Variants in KCNQ1 observed in about 807,000 individuals in gnomAD.
The protein encoded by KCNQ1 is potassium voltage-gated channel subfamily KQT member 1.
A neutral mutation model predicts 72.4 loss-of-function variants in KCNQ1; 49 were observed. The ratio of observed to expected loss-of-function variants is 0.68; its 90% CI spans 0.54 to 0.86. The LOEUF is 0.86. KCNQ1 is among the 40% of genes least tolerant of loss of function. The pLI, the probability that KCNQ1 is intolerant of heterozygous loss-of-function variation, is 0.00. For synonymous variants in KCNQ1, 450 were observed against 412.6 expected, an observed-to-expected ratio of 1.09 and a Z score of -1.10; for missense variants, 790 against 945.1, an observed-to-expected ratio of 0.84 and a Z score of 2.15.
At chr11:2,736,595 G>A (rs1017921403) in intron 11 of KCNQ1, among the ~76,000 whole-genome samples, 27 of 152,146 alleles carry the variant, frequency 1.8e-4, no homozygotes, top group Admixed American at 1.4e-3. Flanking sequence ...TCGCCATAGC[G>A]GCTTGCTTAG....
intron 11 of KCNQ1, chr11:2,662,774 C>T (rs1445009106): frequency 1.5e-5 from 6 of 399,098 alleles, no homozygotes; most frequent in Admixed American, 4.4e-5. Context: ...TGGGGATTCC[C>T]CTTGATAAAT....
In KCNQ1 at chr11:2,579,371, C is replaced by T. The variant is rs1172979553; in HGVS notation, c.922-4064C>T. 6.6e-6 allele frequency among the ~76,000 whole-genome samples: 1 copy of T among 152,180 alleles called. No individual in the cohort carries two copies. The highest frequency in any genetic ancestry group is 1.5e-5 in the Non-Finnish European group (1 of 68,036). On this transcript the variant is annotated intron_variant, in intron 6 of 15. Transcript: ENST00000155840. The surrounding 1 kb of genome is among the most constrained non-coding windows in gnomAD (Gnocchi z 6.0). Reference sequence around the variant, plus strand: ...CAGTGGGGTGTGCGTTCCCCGCTCGCCCCCACAGTTCCTGCCATGGGCGTG... The same window carrying T: ...CAGTGGGGTGTGCGTTCCCCGCTCGTCCCCACAGTTCCTGCCATGGGCGTG...
At chr11:2,705,306 G>C (rs1850888773) in intron 11 of KCNQ1, among the ~76,000 whole-genome samples, 1 of 152,196 alleles carries the variant, frequency 6.6e-6, no homozygotes, top group Non-Finnish European at 1.5e-5. Flanking sequence ...CACGGGGTGT[G>C]GGCCAGTTCC....
rs1203245700 is a variant in KCNQ1 at position 2,772,585 on chromosome 11, A to G, written c.1591-3375A>G. 6.6e-6 allele frequency among the ~76,000 whole-genome samples: 1 copy of G among 152,036 alleles called. No individual in the cohort carries two copies. The highest frequency in any genetic ancestry group is 1.9e-4 in the East Asian group (1 of 5,164). On this transcript the variant is annotated intron_variant, in intron 12 of 15. Coordinates refer to ENST00000155840, the MANE Select transcript of KCNQ1 (RefSeq NM_000218.3). The surrounding 1 kb of genome is among the most constrained non-coding windows in gnomAD (Gnocchi z 6.6). The stretch of plus-strand genomic sequence containing the variant: ...GGATGCCACCGGGCCGTGGGTCCTC[A>G]TGGTCTGCGGGCATTGCTGAGCCTT...
At chr11:2,844,723 G>A (rs530821319) in intron 15 of KCNQ1, among the ~76,000 whole-genome samples, 2 of 152,210 alleles carry the variant, frequency 1.3e-5, no homozygotes, top group East Asian at 1.9e-4. Context: ...AGAATCCCCT[G>A]TGAAGGCCTC....
In KCNQ1 at chr11:2,682,513, T is replaced by A; in HGVS notation, c.1514+20432T>A. ...GAGTGAGTGAGTGAGTGAGTACTTG[T>A]GCCCAGGTCAAACCAGGTGCTAGGA... On this transcript the variant is annotated intron_variant, in intron 11 of 15. Coordinates refer to ENST00000155840, the MANE Select transcript of KCNQ1 (RefSeq NM_000218.3). The surrounding 1 kb of genome is among the most constrained non-coding windows in gnomAD (Gnocchi z 5.8). 1 of 338,430 alleles carries A rather than the reference T, an allele frequency of 3.0e-6. No homozygotes were observed. Among genetic ancestry groups the A allele is most frequent in the Non-Finnish European group, 4.9e-6 (1 of 204,068 alleles). The allele number at this position is 338,430 out of a possible 1,614,324, so 21.0% of individuals were successfully genotyped here.
In KCNQ1 at chr11:2,544,288, A is replaced by ATG. The variant is rs779411066; in HGVS notation, c.477+16271_477+16272insGT. ...TGTGTGTGTATATATATGTGTATATATATATGTATATATGTGTATATATGT... is the reference window on the plus strand; with the variant it reads ...TGTGTGTGTATATATATGTGTATATATGTATATGTATATATGTGTATATATGT... On this transcript the variant is annotated intron_variant, in intron 2 of 15. Transcript: ENST00000155840. This position sits in a 1 kb window ranked among gnomAD's most constrained non-coding sequence, Gnocchi z 4.4. 0.26 allele frequency among the ~76,000 whole-genome samples: 36,057 copies of ATG among 141,366 alleles called. 5,912 individuals are homozygous for ATG. Among genetic ancestry groups the ATG allele is most frequent in the African/African-American group, 0.46 (16,700 of 36,664 alleles). The allele number at this position is 141,366 out of a possible 152,430, so 92.7% of individuals were successfully genotyped here. A position where few individuals can be genotyped will look rare whatever the true frequency, so the allele number is the denominator to read the frequency against.
chr11:2,609,942 A>G (rs1848951238), intron 10 of KCNQ1: 1 of 398,002 alleles, frequency 2.5e-6, no homozygotes, highest in East Asian at 3.6e-5. Flanking sequence ...ATACAGATGG[A>G]TCCTGTTTTT....
rs186701123 is a variant in KCNQ1 at position 2,745,983 on chromosome 11, G to A, written c.1515-22861G>A. Reference sequence around the variant, plus strand: ...CGGCTCACTGCAAACTCCACCTCCCGGGTTCAAGCGATTGTCTCACCTCAG... The same window carrying A: ...CGGCTCACTGCAAACTCCACCTCCCAGGTTCAAGCGATTGTCTCACCTCAG... On this transcript the variant is annotated intron_variant, in intron 11 of 15. Coordinates refer to ENST00000155840, the MANE Select transcript of KCNQ1 (RefSeq NM_000218.3). This position sits in a 1 kb window ranked among gnomAD's most constrained non-coding sequence, Gnocchi z 6.2. Among the ~76,000 whole-genome samples, 7 of 152,260 alleles carry A rather than the reference G, an allele frequency of 4.6e-5. No homozygotes were observed. Among genetic ancestry groups the A allele is most frequent in the Admixed American group, 2.0e-4 (3 of 15,300 alleles).
At chr11:2,705,366 G>C (rs763081073) in intron 11 of KCNQ1, among the ~76,000 whole-genome samples, 2 of 152,170 alleles carry the variant, frequency 1.3e-5, no homozygotes, top group Admixed American at 1.3e-4. Flanking sequence ...GCATTGCTCA[G>C]CCAAGCCTTG....
chr11:2,545,141 T>C (rs2133684591), intron 2 of KCNQ1, among the ~76,000 whole-genome samples: 1 of 152,368 alleles, frequency 6.6e-6, no homozygotes, highest in South Asian at 2.1e-4. Context: ...CCACACTTGG[T>C]CATGCTCTAG....
At chr11:2,667,515 G>T in intron 11 of KCNQ1, 1 of 385,970 alleles carries the variant, frequency 2.6e-6, no homozygotes, top group Non-Finnish European at 4.6e-6. Flanking sequence ...GTGGCTGGAG[G>T]GCAAAGGACT....
intron 1 of KCNQ1, among the ~76,000 whole-genome samples, chr11:2,511,869 C>T (rs1020672277): frequency 3.9e-5 from 6 of 152,224 alleles, no homozygotes; most frequent in African/African-American, 1.4e-4. Context: ...GGAGCCCGGC[C>T]TGGCCTGCAG....
At chr11:2,511,009 G>A (rs1163589952) in intron 1 of KCNQ1, among the ~76,000 whole-genome samples, 2 of 152,154 alleles carry the variant, frequency 1.3e-5, no homozygotes, top group African/African-American at 2.4e-5. Flanking sequence ...TCCCCGAGAC[G>A]TCACCCTTTC....
rs533214821 is a variant in KCNQ1 at position 2,471,722 on chromosome 11, A to T, written c.386+26238A>T. ...TGTGTATAGGTGTGTGTATGTGTGC[A>T]TGGGCGTGTGTATGTGTGCATGGGC... On this transcript the variant is annotated intron_variant, in intron 1 of 15. Coordinates refer to ENST00000155840, the MANE Select transcript of KCNQ1 (RefSeq NM_000218.3). This position sits in a 1 kb window ranked among gnomAD's most constrained non-coding sequence, Gnocchi z 4.8. 7.2e-6 allele frequency among the ~76,000 whole-genome samples: 1 copy of T among 138,970 alleles called. No homozygotes were observed. The highest frequency in any genetic ancestry group is 7.2e-5 in the Admixed American group (1 of 13,892). The allele number at this position is 138,970 out of a possible 152,430, so 91.2% of individuals were successfully genotyped here.
chr11:2,505,417 A>G (rs1847086785), intron 1 of KCNQ1, among the ~76,000 whole-genome samples: 1 of 152,172 alleles, frequency 6.6e-6, no homozygotes, highest in Non-Finnish European at 1.5e-5. Flanking sequence ...GAACATTTCC[A>G]CGTGCACTTG....
At chr11:2,571,955 CG>C (rs1848341047) in intron 4 of KCNQ1, 57 bp from the exon 5 acceptor site, 9 of 1,455,512 alleles carry the variant, frequency 6.2e-6, no homozygotes, top group Middle Eastern at 1.7e-4. Context: ...GCCCTAGGCC[CG>C]GCGTGAACAG....
intron 11 of KCNQ1, among the ~76,000 whole-genome samples, chr11:2,739,785 T>C (rs978427338): frequency 5.3e-5 from 8 of 152,226 alleles, no homozygotes; most frequent in Non-Finnish European, 1.2e-4. Context: ...ATTGGCCAAG[T>C]TGACCGTGTC....
Position 2,527,910 on chromosome 11 carries a change from C to T in KCNQ1, c.387-18C>T, listed in dbSNP as rs377350869. 87 of 1,610,988 alleles carry T rather than the reference C, an allele frequency of 5.4e-5. No homozygotes were observed. Among genetic ancestry groups the T allele is most frequent in the Middle Eastern group, 1.6e-4 (1 of 6,084 alleles). Reference sequence around the variant, plus strand: ...GGGCAGAGGCCGTGATGCTGACTGCCGTGTCCCTGTCTTGCAGCTTCCTCA... The same window carrying T: ...GGGCAGAGGCCGTGATGCTGACTGCTGTGTCCCTGTCTTGCAGCTTCCTCA... On this transcript the variant is annotated intron_variant, in intron 1 of 15. Coordinates refer to ENST00000155840, the MANE Select transcript of KCNQ1 (RefSeq NM_000218.3).
Sources: gnomAD v4.1 joint callset for allele counts (sites outside exome capture counted in the v4.1 genomes callset) on GRCh38, gnomAD v4.1.1 for gene constraint, Gnocchi (gnomAD v3.1) non-coding constraint, MANE v1.5 for transcripts, NCBI Gene and HGNC (gene_info 2026-07-23, HGNC 2026-07-21) for gene names.